Variants in HMGB1 observed in about 807,000 individuals in gnomAD.
HMGB1 encodes high mobility group box 1.
For missense variants in HMGB1, 79 were observed against 253.5 expected (o/e 0.31, Z 4.67); for synonymous variants, 81 against 84.0 (o/e 0.96, Z 0.19).
At chr13:30,603,722 T>C (rs1490100708) in intron 1 of HMGB1, among the ~76,000 whole-genome samples, 1 of 152,188 alleles carries the variant, frequency 6.6e-6, no homozygotes, top group African/African-American at 2.4e-5. Context: ...AGCCACAAAG[T>C]CCTTTACATA....
intron 4 of HMGB1, among the ~76,000 whole-genome samples, chr13:30,461,946 A>G (rs2137394510): frequency 6.6e-6 from 1 of 152,236 alleles, no homozygotes; most frequent in East Asian, 1.9e-4. Context: ...AAAAAAAGGT[A>G]ATTTGTCAAT....
At chr13:30,474,261 T>G (rs1887014767) in intron 1 of HMGB1, among the ~76,000 whole-genome samples, 2 of 152,202 alleles carry the variant, frequency 1.3e-5, no homozygotes. Context: ...TTTGGTTAAC[T>G]AAAGACAGGA....
chr13:30,543,133 T>TG lies in HMGB1; in HGVS notation c.-15+73537_-15+73538insC, dbSNP rs1317602440. On this transcript the variant is annotated intron_variant, in intron 1 of 4. Transcript: ENST00000405805. ...CTGTTCCAGGTTTTTTTTTTTTTTT[T>TG]TTTTTTTTTTTAAGACAGAGGCTCA... is the stretch of plus-strand genomic sequence containing the variant. The TG allele has an allele frequency of 2.0e-5, 3 of 149,306 alleles. No individual in the cohort carries two copies. In the East Asian group the frequency reaches 5.9e-4, roughly 29 times the overall value. The allele number at this position is 149,306 out of a possible 1,614,324, so 9.2% of individuals were successfully genotyped here. A position where few individuals can be genotyped will look rare whatever the true frequency, so the allele number is the denominator to read the frequency against.
chr13:30,589,227 ACTCCCAAC>A (rs1871277714), intron 1 of HMGB1, among the ~76,000 whole-genome samples: 1 of 151,516 alleles, frequency 6.6e-6, no homozygotes, highest in African/African-American at 2.4e-5. Context: ...CTGGTCTCAA[ACTCCCAAC>A]CTCAGGTGAT....
intron 1 of HMGB1, chr13:30,554,283 T>C (rs1869573754): frequency 1.1e-5 from 14 of 1,277,686 alleles, no homozygotes; most frequent in East Asian, 6.9e-5. Flanking sequence ...TCTGGCTCCT[T>C]GAACCCTGAC....
chr13:30,496,717 G>A (rs992803079), intron 1 of HMGB1, among the ~76,000 whole-genome samples: 3 of 152,136 alleles, frequency 2.0e-5, no homozygotes, highest in Admixed American at 1.3e-4. Flanking sequence ...GTGAGGAAGA[G>A]GATTGCTTGT....
intron 1 of HMGB1, among the ~76,000 whole-genome samples, chr13:30,487,954 A>G (rs1416781059): frequency 6.6e-6 from 1 of 152,198 alleles, no homozygotes; most frequent in Non-Finnish European, 1.5e-5. Context: ...AATTAAAGGG[A>G]AAAAAATTAT....
In HMGB1 at chr13:30,616,618, T is replaced by C. The variant is rs987252105; in HGVS notation, c.-15+53A>G. On this transcript the variant is annotated intron_variant, in intron 1 of 4. Transcript: ENST00000405805. Reference sequence around the variant, plus strand: ...AACCTAACTAGCTAGATCTTAAATATACAAATACATTAACAATCTAGTAAA... The same window carrying C: ...AACCTAACTAGCTAGATCTTAAATACACAAATACATTAACAATCTAGTAAA... 2.6e-5 allele frequency: 4 copies of C among 152,284 alleles called. No individual in the cohort carries two copies. In the East Asian group the frequency reaches 7.7e-4, roughly 29 times the overall value. 9.4% of individuals were successfully genotyped at this position (152,284 alleles called of 1,614,324 possible). A position where few individuals can be genotyped will look rare whatever the true frequency, so the allele number is the denominator to read the frequency against.
chr13:30,510,727 T>C (rs1284459769), intron 1 of HMGB1, among the ~76,000 whole-genome samples: 1 of 152,128 alleles, frequency 6.6e-6, no homozygotes, highest in African/African-American at 2.4e-5. Flanking sequence ...GGCTATGAAG[T>C]TCCTCATGAA....
chr13:30,613,914 T>C (rs1181751851), intron 1 of HMGB1, among the ~76,000 whole-genome samples: 2 of 150,716 alleles, frequency 1.3e-5, no homozygotes, highest in African/African-American at 4.9e-5. Context: ...AACACCTAAA[T>C]GTTCAAAAGG....
chr13:30,585,290 C>T (rs938058144), intron 1 of HMGB1, among the ~76,000 whole-genome samples: 1 of 152,056 alleles, frequency 6.6e-6, no homozygotes, highest in African/African-American at 2.4e-5. Context: ...TGCACTCCAG[C>T]CCTGAGTGAC....
chr13:30,467,029 A>G (rs977904149), upstream of HMGB1, among the ~76,000 whole-genome samples: 3 of 152,234 alleles, frequency 2.0e-5, no homozygotes, highest in African/African-American at 7.2e-5. Context: ...GCCCAAATCC[A>G]CAGGCTGTGG....
At chr13:30,465,666 C>T (rs958998687) in intron 1 of HMGB1, 130 bp downstream of exon 1, 6 of 280,264 alleles carry the variant, frequency 2.1e-5, no homozygotes, top group African/African-American at 9.2e-5. Context: ...CAGTTCCCCC[C>T]ACGGTCCCCC....
chr13:30,617,016 C>G (rs1950571987), exon 1 of HMGB1: 1 of 152,264 alleles, frequency 6.6e-6, no homozygotes, highest in African/African-American at 2.4e-5. Context: ...AAATAGCATA[C>G]GCGGTCACGA....
chr13:30,566,825 G>A (rs1468522654), intron 1 of HMGB1, among the ~76,000 whole-genome samples: 2 of 152,170 alleles, frequency 1.3e-5, no homozygotes, highest in Non-Finnish European at 2.9e-5. Context: ...CACCTTAAAA[G>A]GTAAGCAGTG....
chr13:30,598,264 C>G (rs1429081856), intron 1 of HMGB1, among the ~76,000 whole-genome samples: 1 of 152,166 alleles, frequency 6.6e-6, no homozygotes, highest in Non-Finnish European at 1.5e-5. Flanking sequence ...TCATAACTAC[C>G]AGGTACAGTA....
intron 1 of HMGB1, among the ~76,000 whole-genome samples, chr13:30,545,939 C>G (rs1396339337): frequency 6.6e-6 from 1 of 152,054 alleles, no homozygotes; most frequent in Non-Finnish European, 1.5e-5. Context: ...TGGGCTCAAG[C>G]GAACCACCCA....
intron 1 of HMGB1, among the ~76,000 whole-genome samples, chr13:30,511,649 G>A (rs1463546203): frequency 2.0e-5 from 3 of 152,152 alleles, no homozygotes; most frequent in Admixed American, 1.3e-4. Context: ...TCTATTGAAC[G>A]CAGTTTTTCC....
At chr13:30,599,780 G>A (rs1008182634) in intron 1 of HMGB1, among the ~76,000 whole-genome samples, 3 of 152,080 alleles carry the variant, frequency 2.0e-5, no homozygotes, top group East Asian at 1.9e-4. Flanking sequence ...ACCTTTTTAC[G>A]GCCCTGTGTC....
Sources: allele counts gnomAD v4.1 joint callset (sites outside exome capture counted in the v4.1 genomes callset), GRCh38; gene constraint gnomAD v4.1.1; transcripts MANE v1.5; gene names NCBI Gene and HGNC (gene_info 2026-07-23, HGNC 2026-07-21).